Variants in TRAK1 observed in about 807,000 individuals in gnomAD.
TRAK1 encodes trafficking kinesin-binding protein 1.
A neutral mutation model predicts 92.1 loss-of-function variants in TRAK1; 33 were observed. That is an observed-to-expected ratio of 0.36 (90% CI 0.27 to 0.48). The LOEUF (loss-of-function observed/expected upper bound fraction) is 0.48. TRAK1 is among the 20% of genes least tolerant of loss of function. The probability of loss-of-function intolerance (pLI) is 0.99; values close to 1 mark genes in which losing one functional copy is unlikely to be tolerated. For missense variants in TRAK1, 1,123 were observed against 1,257.9 expected (o/e 0.89, Z 1.62); for synonymous variants, 521 against 517.3 (o/e 1.01, Z -0.10).
At chr3:42,059,208 C>T (rs1016186926) in intron 1 of TRAK1, among the ~76,000 whole-genome samples, 1 of 152,050 alleles carries the variant, frequency 6.6e-6, no homozygotes, top group Admixed American at 6.6e-5. Flanking sequence ...GAATCTCCCC[C>T]TCAGCTTCCT....
intron 3 of TRAK1, among the ~76,000 whole-genome samples, chr3:42,179,560 C>T (rs148979399): frequency 1.7e-3 from 255 of 152,320 alleles, no homozygotes; most frequent in Non-Finnish European, 3.1e-3. Context: ...CTTAGTCATG[C>T]TTTTTATCCT....
intron 1 of TRAK1, among the ~76,000 whole-genome samples, chr3:42,046,507 C>A (rs1702758634): frequency 6.6e-6 from 1 of 152,076 alleles, no homozygotes; most frequent in African/African-American, 2.4e-5. Flanking sequence ...CGCCTGGCTG[C>A]CTGGGCTTCC....
chr3:42,018,286 G>C (rs918321898), intron 1 of TRAK1, among the ~76,000 whole-genome samples: 1 of 150,732 alleles, frequency 6.6e-6, no homozygotes, highest in Non-Finnish European at 1.5e-5. Flanking sequence ...AAAAAATATT[G>C]CTGTCTGAGT....
At chr3:42,069,761 A>G (rs1288885621) in intron 1 of TRAK1, among the ~76,000 whole-genome samples, 1 of 152,056 alleles carries the variant, frequency 6.6e-6, no homozygotes, top group Non-Finnish European at 1.5e-5. Flanking sequence ...AGACATTTTC[A>G]TTTTCCAATT....
intron 2 of TRAK1, among the ~76,000 whole-genome samples, chr3:42,133,259 C>A (rs1697453342): frequency 6.6e-6 from 1 of 152,210 alleles, no homozygotes; most frequent in Non-Finnish European, 1.5e-5. Context: ...CCTCGTTCCA[C>A]CCTCTCCTTA....
At position 42,189,013 on chromosome 3, in the gene TRAK1, C is replaced by A; in HGVS notation, c.582-3C>A. The stretch of plus-strand genomic sequence containing the variant: ...TAGGTTGTGAGCGTACTTTCTCCCC[C>A]AGGTTGAAGAGGAATGAGTCGTCCT... On this transcript the variant is annotated splice_region_variant and splice_polypyrimidine_tract_variant and intron_variant, in intron 5 of 15. Coordinates refer to ENST00000327628, the MANE Select transcript of TRAK1 (RefSeq NM_001042646.3). The A allele has an allele frequency of 1.2e-6, 2 of 1,607,626 alleles. No homozygotes were observed. The highest frequency in any genetic ancestry group is 1.7e-6 in the Non-Finnish European group (2 of 1,174,146).
intron 2 of TRAK1, chr3:42,160,172 T>G (rs1576696733): frequency 4.6e-6 from 5 of 1,089,458 alleles, no homozygotes; most frequent in African/African-American, 1.7e-5. Context: ...CCTGCCCGGG[T>G]GATGCTGGGC....
intron 2 of TRAK1, among the ~76,000 whole-genome samples, chr3:42,162,292 A>G (rs1701355696): frequency 6.6e-6 from 1 of 151,440 alleles, no homozygotes; most frequent in African/African-American, 2.4e-5. Context: ...ATATAAACAT[A>G]TAAATATATA....
At chr3:42,115,619 G>A (rs1709069565) in intron 1 of TRAK1, among the ~76,000 whole-genome samples, 1 of 152,166 alleles carries the variant, frequency 6.6e-6, no homozygotes, top group Non-Finnish European at 1.5e-5. Flanking sequence ...TGGTAATTAA[G>A]GCCATGGAAT....
chr3:42,128,702 AC>A (rs1476212647), intron 2 of TRAK1, among the ~76,000 whole-genome samples: 3 of 152,254 alleles, frequency 2.0e-5, no homozygotes, highest in African/African-American at 7.2e-5. Flanking sequence ...TGATATTGTC[AC>A]CAGTAGAAAT....
intron 13 of TRAK1, among the ~76,000 whole-genome samples, chr3:42,207,735 G>C (rs771995710): frequency 6.6e-6 from 1 of 152,324 alleles, no homozygotes. Flanking sequence ...GCAGGTCTGC[G>C]AAGCCCCGGC....
Position 42,092,714 on chromosome 3 carries a change from T to TTATGTTATGTTATGA in TRAK1, c.91+1168_91+1169insATATGTTATGTTATG, listed in dbSNP as rs1553712939. On this transcript the variant is annotated intron_variant, in intron 1 of 15. Coordinates refer to ENST00000327628, the MANE Select transcript of TRAK1 (RefSeq NM_001042646.3). ...TTGTGTTGTGTTGTGTTGTGTTGTG[T>TTATGTTATGTTATGA]TATGTTATGTTATGTTATGTTATGT... 3.0e-3 allele frequency among the ~76,000 whole-genome samples: 328 copies of TTATGTTATGTTATGA among 108,114 alleles called. 3 individuals carry two copies. Among genetic ancestry groups the TTATGTTATGTTATGA allele is most frequent in the African/African-American group, 9.6e-3 (317 of 33,058 alleles). The allele number at this position is 108,114 out of a possible 152,430, so 70.9% of individuals were successfully genotyped here.
intron 3 of TRAK1, among the ~76,000 whole-genome samples, chr3:42,181,981 G>A (rs1203154855): frequency 1.7e-4 from 21 of 120,642 alleles, no homozygotes; most frequent in Non-Finnish European, 3.4e-4. Context: ...TTTCAATTTT[G>A]TGTTTTGAGA....
chr3:42,177,314 G>A (rs1410182677), intron 3 of TRAK1, among the ~76,000 whole-genome samples: 2 of 152,168 alleles, frequency 1.3e-5, no homozygotes, highest in Non-Finnish European at 2.9e-5. Context: ...AAATAAGCAT[G>A]GCAAGAAAAA....
intron 4 of TRAK1, among the ~76,000 whole-genome samples, chr3:42,186,070 C>T (rs1053395852): frequency 1.4e-5 from 2 of 146,594 alleles, no homozygotes; most frequent in Non-Finnish European, 3.0e-5. Flanking sequence ...GCAGCCTTGA[C>T]CTCCTGGATT....
chr3:42,209,925 G>A lies in TRAK1; in HGVS notation c.1903G>A (p.Asp635Asn), dbSNP rs941770406. ...LNDFEEDDTG[D>N]HISLPRLATS... is the part of the protein sequence containing the mutation. ...CGACTTTGAAGAAGATGACACAGGT[G>A]ACCACATTTCTCTCCCACGCCTAGC... is the stretch of plus-strand genomic sequence containing the variant. Residue 635 changes from aspartate (D) to asparagine (N), a missense_variant, in exon 14 of 16, where the codon GAC becomes AAC. By Grantham distance (23) the Asp-to-Asn change is conservative. This residue lies in a region of TRAK1 where 401 missense variants were observed against 438.9 expected (regional missense o/e 0.91). Transcript: ENST00000327628. The A allele has an allele frequency of 5.6e-6, 9 of 1,614,174 alleles. No homozygotes were observed. Among genetic ancestry groups the A allele is most frequent in the Non-Finnish European group, 7.6e-6 (9 of 1,180,038 alleles).
upstream of TRAK1, among the ~76,000 whole-genome samples, chr3:42,089,026 A>G (rs571263821): frequency 1.4e-4 from 22 of 152,244 alleles, no homozygotes; most frequent in East Asian, 3.9e-3. Flanking sequence ...CTGACTCCAC[A>G]TGAGTTTCCA....
rs1469502502 is a variant in TRAK1 at position 42,224,153 on chromosome 3, T to A, written c.*416T>A. 8.8e-6 allele frequency: 4 copies of A among 453,600 alleles called. No individual in the cohort carries two copies. Among genetic ancestry groups the A allele is most frequent in the Non-Finnish European group, 4.4e-6 (1 of 226,796 alleles). 28.1% of individuals were successfully genotyped at this position (453,600 alleles called of 1,614,324 possible). ...ACCACGAGCTGTCACGCGGCACGGG[T>A]CATAACACATCTGGGTGTCATCGGA... On this transcript the variant is annotated 3_prime_UTR_variant, in exon 16 of 16. Coordinates refer to ENST00000327628, the MANE Select transcript of TRAK1 (RefSeq NM_001042646.3).
chr3:42,126,470 A>G (rs1710572795), intron 2 of TRAK1, among the ~76,000 whole-genome samples: 1 of 152,328 alleles, frequency 6.6e-6, no homozygotes, highest in Middle Eastern at 3.4e-3. Flanking sequence ...CAGTGTGGTC[A>G]TGATGGCCAG....
Sources: allele counts gnomAD v4.1 joint callset (sites outside exome capture counted in the v4.1 genomes callset), GRCh38; gene constraint gnomAD v4.1.1; regional missense constraint gnomAD v4.1.1; transcripts MANE v1.5; gene names NCBI Gene and HGNC (gene_info 2026-07-23, HGNC 2026-07-21).